The following ZDHHC14 variants were observed in gnomAD, a reference collection of about 807,000 sequenced individuals.
The protein encoded by ZDHHC14 is zDHHC palmitoyltransferase 14, also known as palmitoyltransferase ZDHHC14.
A neutral mutation model predicts 47.7 loss-of-function variants in ZDHHC14; 16 were observed. The ratio of observed to expected loss-of-function variants is 0.34; its 90% CI spans 0.23 to 0.51. The LOEUF (loss-of-function observed/expected upper bound fraction) is 0.51. Among genes scored for constraint, ZDHHC14 ranks in the 20% least tolerant of loss-of-function variants. The pLI, the probability that ZDHHC14 is intolerant of heterozygous loss-of-function variation, is 0.97. For synonymous variants in ZDHHC14, 293 were observed against 278.9 expected (o/e 1.05, Z -0.50); for missense variants, 515 against 662.5 (o/e 0.78, Z 2.44).
At chr6:157,408,977 C>G (rs1037616660) in intron 1 of ZDHHC14, among the ~76,000 whole-genome samples, 1 of 152,120 alleles carries the variant, frequency 6.6e-6, no homozygotes, top group Non-Finnish European at 1.5e-5. Flanking sequence ...GCGATTGCAT[C>G]TGAGTTCCAG....
intron 3 of ZDHHC14, among the ~76,000 whole-genome samples, chr6:157,612,308 A>T (rs1440471794): frequency 2.0e-5 from 3 of 152,168 alleles, no homozygotes; most frequent in African/African-American, 7.2e-5. Flanking sequence ...CATCTAATCC[A>T]GCCTCTATGC....
intron 1 of ZDHHC14, among the ~76,000 whole-genome samples, chr6:157,505,464 C>T (rs1233883020): frequency 2.0e-5 from 3 of 152,132 alleles, no homozygotes; most frequent in African/African-American, 7.2e-5. Flanking sequence ...TAGAGAAGTC[C>T]ACATCATCTC....
chr6:157,641,558 C>T (rs954994255), intron 5 of ZDHHC14, among the ~76,000 whole-genome samples: 14 of 151,976 alleles, frequency 9.2e-5, no homozygotes, highest in African/African-American at 2.9e-4. Context: ...TCTTTTTCTA[C>T]GAACATGTAG....
intron 2 of ZDHHC14, among the ~76,000 whole-genome samples, chr6:157,590,474 T>C (rs571549769): frequency 5.3e-5 from 8 of 152,296 alleles, no homozygotes; most frequent in Middle Eastern, 6.8e-3. Flanking sequence ...CTTCAGAGGG[T>C]GCAAGCCCCA....
At chr6:157,636,126 C>T (rs1776961936) in intron 5 of ZDHHC14, among the ~76,000 whole-genome samples, 1 of 152,092 alleles carries the variant, frequency 6.6e-6, no homozygotes, top group Non-Finnish European at 1.5e-5. Context: ...CAAGGCCTTC[C>T]AAAATGTCAG....
chr6:157,445,874 T>A (rs1272283908), intron 1 of ZDHHC14, among the ~76,000 whole-genome samples: 2 of 152,018 alleles, frequency 1.3e-5, no homozygotes, highest in Non-Finnish European at 2.9e-5. Context: ...GGCATCAACT[T>A]AATATCCTTC....
intron 1 of ZDHHC14, among the ~76,000 whole-genome samples, chr6:157,445,934 C>T (rs969545800): frequency 2.0e-5 from 3 of 152,192 alleles, no homozygotes; most frequent in Admixed American, 6.5e-5. Flanking sequence ...AGAACCTTTT[C>T]AACAGATTGG....
At chr6:157,467,994 T>C (rs1477527417) in intron 1 of ZDHHC14, among the ~76,000 whole-genome samples, 2 of 152,232 alleles carry the variant, frequency 1.3e-5, no homozygotes, top group Non-Finnish European at 2.9e-5. Flanking sequence ...GTGTGTGTTA[T>C]GTAGCACTTT....
At chr6:157,553,067 A>C (rs1782308151) in intron 2 of ZDHHC14, among the ~76,000 whole-genome samples, 1 of 152,212 alleles carries the variant, frequency 6.6e-6, no homozygotes, top group Admixed American at 6.5e-5. Context: ...AGCAAGGAAC[A>C]GTGGGAATTT....
intron 3 of ZDHHC14, among the ~76,000 whole-genome samples, chr6:157,613,474 G>A (rs1052215390): frequency 6.6e-6 from 1 of 152,162 alleles, no homozygotes; most frequent in Non-Finnish European, 1.5e-5. Context: ...CTTCTGAGTA[G>A]GCCAAGGATT....
chr6:157,491,031 G>T (rs1779901081), intron 1 of ZDHHC14, among the ~76,000 whole-genome samples: 1 of 152,220 alleles, frequency 6.6e-6, no homozygotes, highest in South Asian at 2.1e-4. Context: ...AATGTGCCCG[G>T]AGGGCCTGAG....
At chr6:157,589,500 A>G (rs1246539357) in intron 2 of ZDHHC14, among the ~76,000 whole-genome samples, 1 of 152,156 alleles carries the variant, frequency 6.6e-6, no homozygotes, top group Admixed American at 6.5e-5. Context: ...AGGTAATTGA[A>G]TCATGGGGGT....
At chr6:157,418,712 C>T (rs1353217705) in intron 1 of ZDHHC14, among the ~76,000 whole-genome samples, 2 of 152,186 alleles carry the variant, frequency 1.3e-5, no homozygotes, top group African/African-American at 4.8e-5. Flanking sequence ...AACCCATTCC[C>T]CATCTCTCAG....
chr6:157,541,683 A>T (rs193071023), intron 1 of ZDHHC14, among the ~76,000 whole-genome samples: 64 of 152,282 alleles, frequency 4.2e-4, no homozygotes, highest in African/African-American at 1.3e-3. Flanking sequence ...CCCATCCTTC[A>T]CTTAGGTCCA....
chr6:157,447,632 A>C (rs1413932817), intron 1 of ZDHHC14, among the ~76,000 whole-genome samples: 1 of 152,060 alleles, frequency 6.6e-6, no homozygotes, highest in African/African-American at 2.4e-5. Context: ...CAGGGTGAGG[A>C]AGACCCGGGG....
In ZDHHC14 at chr6:157,509,973, G is replaced by A. The variant is rs971175018; in HGVS notation, c.246-32612G>A. 7.2e-5 allele frequency among the ~76,000 whole-genome samples: 11 copies of A among 152,186 alleles called. No individual in the cohort carries two copies. The East Asian group carries it at 1.5e-3, about 21-fold the overall frequency. ...AATTCCCTACTTCATGGCCGGGTGC[G>A]GTGGCTCACGCCTGTAATCCCAGCA... is the stretch of plus-strand genomic sequence containing the variant. On this transcript the variant is annotated intron_variant, in intron 1 of 8. Coordinates refer to ENST00000359775, the MANE Select transcript of ZDHHC14 (RefSeq NM_024630.3).
intron 1 of ZDHHC14, among the ~76,000 whole-genome samples, chr6:157,518,004 G>A (rs565206810): frequency 5.9e-5 from 9 of 152,244 alleles, no homozygotes; most frequent in African/African-American, 1.7e-4. Context: ...CCCAGCCCCC[G>A]TGCATGGATG....
In ZDHHC14 at chr6:157,593,261, C is replaced by T. The variant is rs1441398965; in HGVS notation, c.565+115C>T. 2.3e-6 allele frequency: 3 copies of T among 1,322,940 alleles called. No individual in the cohort carries two copies. The Admixed American group carries it at 7.4e-5, about 33-fold the overall frequency. The allele number at this position is 1,322,940 out of a possible 1,614,324, so 82.0% of individuals were successfully genotyped here. On this transcript the variant is annotated intron_variant, in intron 3 of 8. Coordinates refer to ENST00000359775, the MANE Select transcript of ZDHHC14 (RefSeq NM_024630.3). Reference sequence around the variant, plus strand: ...AATGGTTAATATTTCAGCGCATTTGCATGTTGCCACTGATTGAGTTCACCG... The same window carrying T: ...AATGGTTAATATTTCAGCGCATTTGTATGTTGCCACTGATTGAGTTCACCG...
rs559088591 is a variant in ZDHHC14 at position 157,646,129 on chromosome 6, A to G, written c.855+290A>G. ...AGAGTGTTCTTTGTATTCCTTTGAAATGGTTTCGTAAGCTTCTTATCACAC... is the reference window on the plus strand; with the variant it reads ...AGAGTGTTCTTTGTATTCCTTTGAAGTGGTTTCGTAAGCTTCTTATCACAC... On this transcript the variant is annotated intron_variant, in intron 6 of 8. Coordinates refer to ENST00000359775, the MANE Select transcript of ZDHHC14 (RefSeq NM_024630.3). The G allele has an allele frequency of 2.8e-5, 8 of 281,750 alleles. No homozygotes were observed. The East Asian group carries it at 6.2e-4, about 22-fold the overall frequency. 17.5% of individuals were successfully genotyped at this position (281,750 alleles called of 1,614,324 possible). A position where few individuals can be genotyped will look rare whatever the true frequency, so the allele number is the denominator to read the frequency against.
Sources: allele counts gnomAD v4.1 joint callset (sites outside exome capture counted in the v4.1 genomes callset), GRCh38; gene constraint gnomAD v4.1.1; transcripts MANE v1.5; gene names NCBI Gene and HGNC (gene_info 2026-07-23, HGNC 2026-07-21).